Variants in C7orf78 observed in about 807,000 individuals in gnomAD.
The protein encoded by C7orf78 is putative uncharacterized protein C7orf78.
the C7orf78 span, chr7:12,496,704 G>C: frequency 2.6e-5 from 4 of 151,984 alleles, no homozygotes; most frequent in African/African-American, 9.7e-5. Flanking sequence ...ATCTATTTTT[G>C]TACCCTAAAC....
the C7orf78 span, among the ~76,000 whole-genome samples, chr7:12,488,580 T>C: frequency 6.6e-6 from 1 of 151,952 alleles, no homozygotes; most frequent in African/African-American, 2.4e-5. Context: ...TAAATTCAAA[T>C]CTCATTGCAG....
chr7:12,499,992 A>G, the C7orf78 span, among the ~76,000 whole-genome samples: 6 of 114,316 alleles, frequency 5.2e-5, no homozygotes, highest in African/African-American at 2.0e-4. Context: ...TGGGTACATA[A>G]CGAAATGAAG....
chr7:12,512,385 T>G, the C7orf78 span, among the ~76,000 whole-genome samples: 2,804 of 152,238 alleles, frequency 0.018, 80 homozygotes, highest in African/African-American at 0.064. Flanking sequence ...TTATTGAGAG[T>G]TTTTATCATA....
the C7orf78 span, among the ~76,000 whole-genome samples, chr7:12,500,338 C>T: frequency 2.7e-5 from 4 of 150,738 alleles, no homozygotes; most frequent in Non-Finnish European, 4.4e-5. Context: ...GCTAGCAAGA[C>T]TAGTAAAGAA....
At chr7:12,496,405 A>C in the C7orf78 span, 6 of 152,350 alleles carry the variant, frequency 3.9e-5, no homozygotes, top group African/African-American at 1.4e-4. Context: ...GCATTAAAGA[A>C]AATTCCAGAA....
At chr7:12,496,184 C>G in the C7orf78 span, among the ~76,000 whole-genome samples, 1 of 152,164 alleles carries the variant, frequency 6.6e-6, no homozygotes, top group Non-Finnish European at 1.5e-5. Context: ...CTCGGCCTCC[C>G]AAAGTGCTGG....
chr7:12,500,965 G>A, the C7orf78 span, among the ~76,000 whole-genome samples: 1 of 151,110 alleles, frequency 6.6e-6, no homozygotes, highest in Non-Finnish European at 1.5e-5. Flanking sequence ...TATAAACAGA[G>A]CCAAAGACAA....
the C7orf78 span, among the ~76,000 whole-genome samples, chr7:12,488,632 T>A: frequency 6.6e-6 from 1 of 151,890 alleles, no homozygotes; most frequent in East Asian, 1.9e-4. Flanking sequence ...TGCACCTTTA[T>A]GAATGTGACA....
the C7orf78 span, chr7:12,529,101 A>G: frequency 2.5e-6 from 1 of 397,958 alleles, no homozygotes; most frequent in Non-Finnish European, 4.4e-6. Context: ...GTTGTCGACA[A>G]TTGCTTTAGT....
At chr7:12,490,318 T>G in the C7orf78 span, among the ~76,000 whole-genome samples, 1 of 152,260 alleles carries the variant, frequency 6.6e-6, no homozygotes, top group East Asian at 1.9e-4. Context: ...TGGTAGTTAA[T>G]AGCTTTTACA....
the C7orf78 span, among the ~76,000 whole-genome samples, chr7:12,488,171 A>T: frequency 6.6e-6 from 1 of 152,066 alleles, no homozygotes; most frequent in South Asian, 2.1e-4. Flanking sequence ...ATGTTTCTTT[A>T]AAAAGAAATA....
At chr7:12,525,051 T>C in the C7orf78 span, among the ~76,000 whole-genome samples, 506 of 151,434 alleles carry the variant, frequency 3.3e-3, no homozygotes, top group African/African-American at 0.012. Flanking sequence ...GGTCTCATGT[T>C]GTATTCAATT....
the C7orf78 span, among the ~76,000 whole-genome samples, chr7:12,490,641 G>C: frequency 6.6e-6 from 1 of 152,038 alleles, no homozygotes; most frequent in African/African-American, 2.4e-5. Flanking sequence ...AGCTATCTTT[G>C]AGACTGGATA....
the C7orf78 span, among the ~76,000 whole-genome samples, chr7:12,489,203 T>C: frequency 4.7e-4 from 72 of 152,234 alleles, no homozygotes; most frequent in South Asian, 2.3e-3. Flanking sequence ...ATAGTCAGTA[T>C]ACATTTCAAG....
chr7:12,528,945 T>TACACCC, the C7orf78 span: 8 of 398,358 alleles, frequency 2.0e-5, no homozygotes, highest in Non-Finnish European at 3.5e-5. Context: ...AGAAGACTAG[T>TACACCC]ACAGAAAGAT....
chr7:12,507,160 A>G, the C7orf78 span: 2 of 233,460 alleles, frequency 8.6e-6, no homozygotes, highest in South Asian at 4.8e-5. Context: ...AAAAAAAAAA[A>G]GCTGGGCATG....
chr7:12,494,196 A>G, the C7orf78 span, among the ~76,000 whole-genome samples: 1 of 152,136 alleles, frequency 6.6e-6, no homozygotes, highest in South Asian at 2.1e-4. Context: ...AAAAGTGAGG[A>G]GAGAAGGCAA....
At chr7:12,527,990 C>T in the C7orf78 span, among the ~76,000 whole-genome samples, 4 of 148,992 alleles carry the variant, frequency 2.7e-5, no homozygotes, top group Non-Finnish European at 4.5e-5. Flanking sequence ...TGCTAAGTGT[C>T]ACTCACTTTG....
chr7:12,527,911 C>T, the C7orf78 span, among the ~76,000 whole-genome samples: 2 of 147,218 alleles, frequency 1.4e-5, no homozygotes, highest in Non-Finnish European at 3.0e-5. Context: ...TGCTATGTGT[C>T]ACTCACTTTG....
Sources: gnomAD v4.1 joint callset for allele counts (sites outside exome capture counted in the v4.1 genomes callset) on GRCh38, gnomAD v4.1.1 for gene constraint, MANE v1.5 for transcripts, NCBI Gene and HGNC (gene_info 2026-07-23, HGNC 2026-07-21) for gene names.